Variants in RNLS observed in about 807,000 individuals in gnomAD.
The protein encoded by RNLS is renalase.
A neutral mutation model predicts 39.8 loss-of-function variants in RNLS; 39 were observed. The observed-to-expected ratio is 0.98, with a 90% confidence interval of 0.76 to 1.28. RNLS has a LOEUF of 1.28. Among genes scored for constraint, RNLS ranks in the 50% most tolerant of loss-of-function variants. RNLS has a pLI of 0.00. For synonymous variants in RNLS, 147 were observed against 150.7 expected, an observed-to-expected ratio of 0.98 and a Z score of 0.18; for missense variants, 410 against 413.3, an observed-to-expected ratio of 0.99 and a Z score of 0.07.
the RNLS span, among the ~76,000 whole-genome samples, chr10:88,257,796 C>T: frequency 6.6e-6 from 1 of 152,178 alleles, no homozygotes; most frequent in Non-Finnish European, 1.5e-5. Context: ...ATCTTCAATT[C>T]ATGGACTTTC....
the RNLS span, among the ~76,000 whole-genome samples, chr10:88,173,826 G>A: frequency 1.3e-5 from 2 of 152,046 alleles, no homozygotes; most frequent in African/African-American, 2.4e-5. Context: ...AGGTTTTGGG[G>A]GAACAGGTGG....
chr10:88,406,826 T>G (rs1026537209), intron 4 of RNLS, among the ~76,000 whole-genome samples: 1 of 151,714 alleles, frequency 6.6e-6, no homozygotes, highest in African/African-American at 2.4e-5. Flanking sequence ...AATCAACAAG[T>G]GGATAAAGAA....
At chr10:88,184,847 CTCCAGA>C in the RNLS span, among the ~76,000 whole-genome samples, 1 of 152,132 alleles carries the variant, frequency 6.6e-6, no homozygotes, top group African/African-American at 2.4e-5. Context: ...TCCTGAGGTA[CTCCAGA>C]TCTTAAGTGG....
At chr10:88,558,681 C>T (rs1479178843) in intron 4 of RNLS, among the ~76,000 whole-genome samples, 1 of 151,984 alleles carries the variant, frequency 6.6e-6, no homozygotes, top group East Asian at 1.9e-4. Flanking sequence ...CTCTCAGGCA[C>T]TTAGAGAAAG....
At chr10:88,471,743 G>A (rs1403021320) in intron 4 of RNLS, among the ~76,000 whole-genome samples, 4 of 152,138 alleles carry the variant, frequency 2.6e-5, no homozygotes, top group Non-Finnish European at 5.9e-5. Flanking sequence ...GAAACCAGGT[G>A]CAAGGTTTTT....
intron 5 of RNLS, among the ~76,000 whole-genome samples, chr10:88,355,810 G>T (rs1005175474): frequency 6.6e-6 from 1 of 152,224 alleles, no homozygotes; most frequent in African/African-American, 2.4e-5. Flanking sequence ...GCCCCCAGAG[G>T]TGGGGTCTAC....
chr10:88,565,741 A>G (rs1590030219), intron 4 of RNLS, among the ~76,000 whole-genome samples: 1 of 142,640 alleles, frequency 7.0e-6, no homozygotes, highest in Non-Finnish European at 1.5e-5. Flanking sequence ...TGTCAACGTT[A>G]TCTTTCTTTT....
At chr10:88,461,215 G>A (rs1842918622) in intron 4 of RNLS, among the ~76,000 whole-genome samples, 1 of 152,060 alleles carries the variant, frequency 6.6e-6, no homozygotes, top group Non-Finnish European at 1.5e-5. Flanking sequence ...TCAAGGCTCA[G>A]CATCTATCCA....
chr10:88,491,804 G>C (rs962566265), intron 4 of RNLS, among the ~76,000 whole-genome samples: 3 of 152,094 alleles, frequency 2.0e-5, no homozygotes, highest in Non-Finnish European at 4.4e-5. Flanking sequence ...AATTATCACT[G>C]ATAAAAGATC....
chr10:88,283,400 C>G (rs148849866), downstream of RNLS, among the ~76,000 whole-genome samples: 1 of 152,030 alleles, frequency 6.6e-6, no homozygotes, highest in African/African-American at 2.4e-5. Context: ...CAACCCATCC[C>G]AGCTTTACAA....
intron 4 of RNLS, among the ~76,000 whole-genome samples, chr10:88,480,787 T>TTGTGTGTGTGTGTG (rs60584908): frequency 5.4e-5 from 8 of 147,638 alleles, no homozygotes; most frequent in East Asian, 2.0e-4. Context: ...TCCTGTGTCT[T>TTGTGTGTGTGTGTG]TGTGTGTGTG....
chr10:88,339,133 G>A (rs1018532950), intron 5 of RNLS, among the ~76,000 whole-genome samples: 14 of 152,180 alleles, frequency 9.2e-5, no homozygotes, highest in African/African-American at 3.4e-4. Context: ...TGTGGAATGT[G>A]AGGATTTGTG....
rs141974049 is a variant in RNLS, at chr10:88,579,509, A to C, written c.367+2058T>G. Among the ~76,000 whole-genome samples, 9 of 152,284 alleles carry C rather than the reference A, an allele frequency of 5.9e-5. No individual in the cohort carries two copies. In the East Asian group the frequency reaches 1.7e-3, roughly 29 times the overall value. ...GCAAGGCCAGAGATAGGAGGGCAGG[A>C]GAAGGTCAGAGAGAGCTACTTCTGA... On this transcript the variant is annotated intron_variant, in intron 3 of 6. Coordinates refer to ENST00000331772, the MANE Select transcript of RNLS (RefSeq NM_001031709.3).
At chr10:88,476,805 T>A (rs1843847166) in intron 4 of RNLS, among the ~76,000 whole-genome samples, 2 of 152,198 alleles carry the variant, frequency 1.3e-5, no homozygotes, top group South Asian at 4.1e-4. Flanking sequence ...GAGAGGTAGT[T>A]CAGAAGGGCC....
chr10:88,481,076 C>G (rs1035553119), intron 4 of RNLS, among the ~76,000 whole-genome samples: 2 of 152,050 alleles, frequency 1.3e-5, no homozygotes, highest in African/African-American at 2.4e-5. Context: ...TAAAATAGCC[C>G]TCTATAGCAT....
intron 4 of RNLS, among the ~76,000 whole-genome samples, chr10:88,556,065 C>A (rs1296261510): frequency 6.6e-6 from 1 of 152,164 alleles, no homozygotes; most frequent in Non-Finnish European, 1.5e-5. Context: ...CAATCCAAGA[C>A]CAAATTTCTC....
chr10:88,380,249 C>CTTT (rs1400325973), intron 4 of RNLS, among the ~76,000 whole-genome samples: 2 of 151,568 alleles, frequency 1.3e-5, no homozygotes, highest in African/African-American at 4.8e-5. Flanking sequence ...ATTAATCCTA[C>CTTT]TTTTGTTACC....
At chr10:88,418,496 T>C (rs1854178291) in intron 4 of RNLS, among the ~76,000 whole-genome samples, 1 of 152,252 alleles carries the variant, frequency 6.6e-6, no homozygotes, top group South Asian at 2.1e-4. Context: ...TCTTTCATTA[T>C]GATGTTATTG....
chr10:88,206,084 T>C, the RNLS span, among the ~76,000 whole-genome samples: 5 of 152,194 alleles, frequency 3.3e-5, no homozygotes, highest in African/African-American at 1.2e-4. Context: ...TTGGGGTTTC[T>C]GAAGTTTAAT....
Sources: gnomAD v4.1 joint callset for allele counts (sites outside exome capture counted in the v4.1 genomes callset) on GRCh38, gnomAD v4.1.1 for gene constraint, MANE v1.5 for transcripts, NCBI Gene and HGNC (gene_info 2026-07-23, HGNC 2026-07-21) for gene names.